Variants in ATG10 observed in about 807,000 individuals in gnomAD.
ATG10 encodes ubiquitin-like-conjugating enzyme ATG10.
Under a neutral mutation model 32.1 loss-of-function variants are expected in ATG10, and 30 were observed. The ratio of observed to expected loss-of-function variants is 0.94; its 90% CI spans 0.70 to 1.27. ATG10 has a LOEUF of 1.27. ATG10 is among the 50% of genes most tolerant of loss of function. The pLI is 0.00. For synonymous variants in ATG10, 87 were observed against 91.5 expected, an observed-to-expected ratio of 0.95 and a Z score of 0.28; for missense variants, 233 against 262.3, an observed-to-expected ratio of 0.89 and a Z score of 0.77.
At chr5:82,183,400 T>G (rs1165221782) in intron 5 of ATG10, among the ~76,000 whole-genome samples, 1 of 152,118 alleles carries the variant, frequency 6.6e-6, no homozygotes, top group Non-Finnish European at 1.5e-5. Context: ...CTTGATTTTT[T>G]TTTTCTAATT....
intron 3 of ATG10, among the ~76,000 whole-genome samples, chr5:82,064,206 C>T (rs549941145): frequency 1.3e-5 from 2 of 152,260 alleles, no homozygotes; most frequent in South Asian, 2.1e-4. Flanking sequence ...TTTCAACCAT[C>T]GCTGATCAAA....
At chr5:81,986,207 A>G (rs1473774846) in intron 1 of ATG10, among the ~76,000 whole-genome samples, 2 of 152,026 alleles carry the variant, frequency 1.3e-5, no homozygotes, top group African/African-American at 4.8e-5. Flanking sequence ...CCTCTTTTTT[A>G]CTTTGATGTT....
At chr5:82,159,282 C>T (rs1743202342) in intron 3 of ATG10, among the ~76,000 whole-genome samples, 1 of 152,124 alleles carries the variant, frequency 6.6e-6, no homozygotes, top group African/African-American at 2.4e-5. Context: ...CTGAATGGCG[C>T]ACAATTTAAA....
At chr5:82,128,658 C>T (rs868312410) in intron 3 of ATG10, among the ~76,000 whole-genome samples, 1 of 145,084 alleles carries the variant, frequency 6.9e-6, no homozygotes, top group South Asian at 2.3e-4. Context: ...GAGAGATCCA[C>T]TGTTGGGCTT....
chr5:82,204,532 A>G (rs906181514), intron 5 of ATG10, among the ~76,000 whole-genome samples: 8 of 152,364 alleles, frequency 5.3e-5, no homozygotes, highest in South Asian at 2.1e-4. Flanking sequence ...AAATTTTTAA[A>G]TAAACAATTT....
At chr5:82,105,380 C>G (rs927070414) in intron 3 of ATG10, among the ~76,000 whole-genome samples, 1 of 151,876 alleles carries the variant, frequency 6.6e-6, no homozygotes, top group Non-Finnish European at 1.5e-5. Context: ...CTTGTTGTAT[C>G]ATTTGGAATA....
intron 2 of ATG10, among the ~76,000 whole-genome samples, chr5:82,042,224 A>G (rs1581628657): frequency 6.6e-6 from 1 of 152,210 alleles, no homozygotes; most frequent in East Asian, 1.9e-4. Context: ...GGAAGCATGC[A>G]CATCTTCACA....
chr5:82,194,074 C>G (rs1254832195), intron 5 of ATG10, among the ~76,000 whole-genome samples: 2 of 152,136 alleles, frequency 1.3e-5, no homozygotes, highest in Non-Finnish European at 2.9e-5. Context: ...TTCTTGTACT[C>G]CTGTCTCAAG....
chr5:82,249,712 T>C (rs1369359287), intron 5 of ATG10, among the ~76,000 whole-genome samples: 2 of 152,216 alleles, frequency 1.3e-5, no homozygotes, highest in East Asian at 1.9e-4. Context: ...TCAAACAGTC[T>C]TAACCATAGA....
At chr5:82,062,954 T>G (rs1763829704) in intron 3 of ATG10, among the ~76,000 whole-genome samples, 1 of 152,240 alleles carries the variant, frequency 6.6e-6, no homozygotes, top group African/African-American at 2.4e-5. Context: ...TAGATTTGTT[T>G]ATAACTTTTA....
chr5:81,983,092 G>A (rs897094708), intron 1 of ATG10, among the ~76,000 whole-genome samples: 1 of 152,126 alleles, frequency 6.6e-6, no homozygotes, highest in African/African-American at 2.4e-5. Flanking sequence ...CGGGGTGGTG[G>A]CCAGGCAGAG....
intron 5 of ATG10, among the ~76,000 whole-genome samples, chr5:82,181,634 T>A (rs1194421546): frequency 1.3e-5 from 2 of 152,114 alleles, no homozygotes; most frequent in Non-Finnish European, 2.9e-5. Context: ...TGCAGAATTA[T>A]ACTAAAGAAT....
Position 82,058,619 on chromosome 5 carries a change from A to G in ATG10, c.216+17A>G, listed in dbSNP as rs1452425368. The stretch of plus-strand genomic sequence containing the variant: ...CCCATGGAGGTGAGTAGTTTAATGC[A>G]TCATGTTCTTTTCAGTCTCCGTAAA... On this transcript the variant is annotated intron_variant, in intron 3 of 7. Transcript: ENST00000282185. 5 of 1,520,186 alleles carry G rather than the reference A, an allele frequency of 3.3e-6. No homozygotes were observed. The highest frequency in any genetic ancestry group is 1.7e-5 in the Admixed American group (1 of 59,586). 94.2% of individuals were successfully genotyped at this position (1,520,186 alleles called of 1,614,324 possible). A position where few individuals can be genotyped will look rare whatever the true frequency, so the allele number is the denominator to read the frequency against.
chr5:82,166,952 C>T (rs183187137), intron 4 of ATG10, among the ~76,000 whole-genome samples: 7 of 152,142 alleles, frequency 4.6e-5, no homozygotes, highest in South Asian at 2.1e-4. Flanking sequence ...CTCCCTGTAC[C>T]TATTTTTTTA....
chr5:82,220,739 A>T (rs183526727), intron 5 of ATG10, among the ~76,000 whole-genome samples: 25 of 127,860 alleles, frequency 2.0e-4, no homozygotes, highest in South Asian at 5.1e-4. Context: ...CTGATGTACT[A>T]CTCCATCTCT....
At chr5:82,166,793 A>G (rs979302922) in intron 4 of ATG10, among the ~76,000 whole-genome samples, 1 of 152,132 alleles carries the variant, frequency 6.6e-6, no homozygotes, top group Non-Finnish European at 1.5e-5. Context: ...TAGAAAGAGG[A>G]TGACTGTAAA....
intron 3 of ATG10, among the ~76,000 whole-genome samples, chr5:82,064,773 G>A (rs1394202560): frequency 6.6e-6 from 1 of 152,048 alleles, no homozygotes; most frequent in Non-Finnish European, 1.5e-5. Context: ...GATAAAAACA[G>A]TTATAATAAT....
At chr5:82,034,953 C>T (rs1450351621) in intron 2 of ATG10, among the ~76,000 whole-genome samples, 1 of 152,138 alleles carries the variant, frequency 6.6e-6, no homozygotes, top group African/African-American at 2.4e-5. Context: ...GAGTCTCTCT[C>T]TGTCACTTAG....
intron 1 of ATG10, among the ~76,000 whole-genome samples, chr5:81,983,177 G>A (rs1447006213): frequency 6.6e-6 from 1 of 151,022 alleles, no homozygotes; most frequent in African/African-American, 2.4e-5. Flanking sequence ...CTGGCCGGGC[G>A]GGGGACTGAT....
Sources: gnomAD v4.1 joint callset for allele counts (sites outside exome capture counted in the v4.1 genomes callset) on GRCh38, gnomAD v4.1.1 for gene constraint, MANE v1.5 for transcripts, NCBI Gene and HGNC (gene_info 2026-07-23, HGNC 2026-07-21) for gene names.